Variants in SPART observed in about 807,000 individuals in gnomAD.
SPART encodes spastic paraplegia 20 (Troyer syndrome).
Under a neutral mutation model 58.7 loss-of-function variants are expected in SPART, and 35 were observed. That is an observed-to-expected ratio of 0.60 (90% confidence interval 0.46 to 0.79). The LOEUF is 0.79. SPART is among the 30% of genes least tolerant of loss of function. The pLI, the probability that SPART is intolerant of heterozygous loss-of-function variation, is 0.00. For missense variants in SPART, 730 were observed against 786.1 expected, an observed-to-expected ratio of 0.93 and a Z score of 0.85; for synonymous variants, 284 against 280.7, an observed-to-expected ratio of 1.01 and a Z score of -0.12.
chr13:36,344,434 C>G (rs1282894346), intron 1 of SPART, among the ~76,000 whole-genome samples: 2 of 152,048 alleles, frequency 1.3e-5, no homozygotes, highest in East Asian at 3.9e-4. Context: ...GCTTAATAAC[C>G]TTCCTTGCTA....
In SPART at chr13:36,304,220, T is replaced by A; in HGVS notation, c.*145A>T. 2 of 909,318 alleles carry A rather than the reference T, an allele frequency of 2.2e-6. No individual in the cohort carries two copies. Among genetic ancestry groups the A allele is most frequent in the South Asian group, 3.1e-5 (2 of 65,114 alleles). The allele number at this position is 909,318 out of a possible 1,614,324, so 56.3% of individuals were successfully genotyped here. On this transcript the variant is annotated 3_prime_UTR_variant, in exon 9 of 9. Coordinates refer to ENST00000438666, the MANE Select transcript of SPART (RefSeq NM_015087.5). ...TTCTTTTCCTTTTAAATAGAAGACA[T>A]GCCATAAAATTTATGAAAGTTAATT...
At position 36,359,923 on chromosome 13, in the gene SPART, T is replaced by TAAAAAAA. The variant is rs375878141; in HGVS notation, c.-3+10159_-3+10165dup. On this transcript the variant is annotated intron_variant, in intron 1 of 8. Coordinates refer to the SPART transcript ENST00000355182. ...AACACTATGTAAGAGGTTGTTAATT[T>TAAAAAAA]AAAAAAAAAAAAAAAAAAACACCTC... 3.0e-3 allele frequency among the ~76,000 whole-genome samples: 362 copies of TAAAAAAA among 120,252 alleles called. 4 individuals carry two copies. Among genetic ancestry groups the TAAAAAAA allele is most frequent in the African/African-American group, 5.8e-3 (176 of 30,516 alleles). 78.9% of individuals were successfully genotyped at this position (120,252 alleles called of 152,430 possible).
chr13:36,343,115 T>C (rs1484659387), intron 1 of SPART, among the ~76,000 whole-genome samples: 1 of 152,198 alleles, frequency 6.6e-6, no homozygotes, highest in Non-Finnish European at 1.5e-5. Context: ...ATAATTATTA[T>C]TCATTAAAAT....
chr13:36,359,356 G>C (rs1885748336), intron 1 of SPART, among the ~76,000 whole-genome samples: 1 of 152,170 alleles, frequency 6.6e-6, no homozygotes, highest in Non-Finnish European at 1.5e-5. Context: ...TTATACCACA[G>C]TGTCTTATTG....
At chr13:36,305,244 T>G (rs1880401953) in intron 8 of SPART, among the ~76,000 whole-genome samples, 1 of 151,774 alleles carries the variant, frequency 6.6e-6, no homozygotes, top group East Asian at 1.9e-4. Flanking sequence ...CTGCCTCACC[T>G]TCTTCAAGTT....
chr13:36,350,164 G>C (rs972455452), upstream of SPART, among the ~76,000 whole-genome samples: 1 of 152,184 alleles, frequency 6.6e-6, no homozygotes, highest in South Asian at 2.1e-4. Flanking sequence ...CTTTTACCCA[G>C]TCACAAGAAA....
chr13:36,314,326 G>A lies in SPART; in HGVS notation c.1384C>T (p.Pro462Ser). Residue 462 changes from proline to serine, a missense_variant, in exon 6 of 9, where the codon CCA becomes TCA. Physicochemically the swap from Pro to Ser is moderately conservative, Grantham distance 74 (BLOSUM62 -1). Coordinates refer to ENST00000438666, the MANE Select transcript of SPART (RefSeq NM_015087.5). ...CTAACTTCCACGGGTTTTTCTTCTG[G>A]TTGAATCCGCTCTCGGAGTTTAGAA... is the stretch of plus-strand genomic sequence containing the variant. ...GASKLRERIQPEEKPVEVSPA... is the reference protein window; with the variant it reads ...GASKLRERIQSEEKPVEVSPA... 1 of 1,614,014 alleles carries A rather than the reference G, an allele frequency of 6.2e-7. No individual in the cohort carries two copies. The highest frequency in any genetic ancestry group is 8.5e-7 in the Non-Finnish European group (1 of 1,180,016).
chr13:36,319,149 C>T (rs967333486), intron 5 of SPART, among the ~76,000 whole-genome samples: 3 of 151,214 alleles, frequency 2.0e-5, no homozygotes, highest in Non-Finnish European at 3.0e-5. Flanking sequence ...CCAACTTAGA[C>T]AATACTCTTT....
intron 1 of SPART, among the ~76,000 whole-genome samples, chr13:36,363,766 T>TG (rs1201606789): frequency 6.6e-6 from 1 of 151,880 alleles, no homozygotes; most frequent in African/African-American, 2.4e-5. Context: ...GTTGGTTTTT[T>TG]TTGTTGTTGT....
intron 5 of SPART, among the ~76,000 whole-genome samples, chr13:36,316,729 C>T (rs1881752394): frequency 6.6e-6 from 1 of 152,192 alleles, no homozygotes; most frequent in Non-Finnish European, 1.5e-5. Context: ...TTGTTGCTCA[C>T]ACAAAGCCTG....
intron 1 of SPART, among the ~76,000 whole-genome samples, chr13:36,340,798 G>A (rs1051182076): frequency 4.6e-5 from 7 of 152,348 alleles, no homozygotes; most frequent in Admixed American, 3.9e-4. Flanking sequence ...ACACAACTGT[G>A]AGAGTATTCA....
At position 36,329,636 on chromosome 13, in the gene SPART, T is replaced by C. The variant is rs567567114; in HGVS notation, c.1009-119A>G. On this transcript the variant is annotated intron_variant, in intron 3 of 8. Coordinates refer to ENST00000438666, the MANE Select transcript of SPART (RefSeq NM_015087.5). ...GTTTGAATGTCAGTTTGGCAGTCTA[T>C]CAGTAACAACTACTTTTGCTTTTTT... is the stretch of plus-strand genomic sequence containing the variant. 6.5e-6 allele frequency: 7 copies of C among 1,069,508 alleles called. No individual in the cohort carries two copies. In the Admixed American group the frequency reaches 1.1e-4, roughly 17 times the overall value. 66.3% of individuals were successfully genotyped at this position (1,069,508 alleles called of 1,614,324 possible). A position where few individuals can be genotyped will look rare whatever the true frequency, so the allele number is the denominator to read the frequency against.
chr13:36,321,592 A>G (rs988792064), intron 5 of SPART, among the ~76,000 whole-genome samples: 33 of 152,118 alleles, frequency 2.2e-4, no homozygotes, highest in Middle Eastern at 6.9e-3. Flanking sequence ...CTCCCACTCT[A>G]GGTTCCCACG....
At chr13:36,326,243 G>T in intron 5 of SPART, 2 of 345,270 alleles carry the variant, frequency 5.8e-6, no homozygotes, top group South Asian at 4.8e-5. Flanking sequence ...TGAGGGACAG[G>T]GGTAGGGGGA....
intron 5 of SPART, among the ~76,000 whole-genome samples, chr13:36,317,009 C>T (rs1881785848): frequency 6.6e-6 from 1 of 152,170 alleles, no homozygotes; most frequent in African/African-American, 2.4e-5. Flanking sequence ...TCAATCTCTC[C>T]CTTCTCTTAA....
In SPART at chr13:36,303,860, TTTAG is replaced by T. The variant is rs1198028744; in HGVS notation, c.*501_*504del. 6 of 153,916 alleles carry T rather than the reference TTTAG, an allele frequency of 3.9e-5. No individual in the cohort carries two copies. The highest frequency in any genetic ancestry group is 1.2e-4 in the African/African-American group (5 of 41,466). 9.5% of individuals were successfully genotyped at this position (153,916 alleles called of 1,614,324 possible). A position where few individuals can be genotyped will look rare whatever the true frequency, so the allele number is the denominator to read the frequency against. Reference sequence around the variant, plus strand: ...ACAAGTTTTTTTGAGAATTCTTAGTTTTAGTTTTTGTTTAGCTTACACACTGAAA... The same window carrying T: ...ACAAGTTTTTTTGAGAATTCTTAGTTTTTTTGTTTAGCTTACACACTGAAA... On this transcript the variant is annotated 3_prime_UTR_variant, in exon 9 of 9. Transcript: ENST00000438666.
chr13:36,334,464 T>A (rs1451698344), intron 2 of SPART, among the ~76,000 whole-genome samples: 1 of 152,146 alleles, frequency 6.6e-6, no homozygotes, highest in Non-Finnish European at 1.5e-5. Flanking sequence ...ATGAGGGCTG[T>A]CCTGTGAAAA....
Position 36,335,516 on chromosome 13 carries a change from A to G in SPART, c.315T>C (p.Asn105=). 1 of 1,614,168 alleles carries G rather than the reference A, an allele frequency of 6.2e-7. No individual in the cohort carries two copies. Among genetic ancestry groups the G allele is most frequent in the African/African-American group, 1.3e-5 (1 of 75,052 alleles). ...ATAACTTGGGCACCTCCTGAAGATC[A>G]TTCTGCAGAGAAGTGGCAAGACCCT... ...LEKGLATSLQ[N]DLQEVPKLYP... The change falls in exon 2 of 9, where the codon AAT becomes AAC. Residue 105 remains asparagine, a synonymous_variant. Coordinates refer to ENST00000438666, the MANE Select transcript of SPART (RefSeq NM_015087.5).
intron 1 of SPART, among the ~76,000 whole-genome samples, chr13:36,345,824 G>A (rs544167894): frequency 6.6e-6 from 1 of 152,250 alleles, no homozygotes; most frequent in East Asian, 1.9e-4. Flanking sequence ...TGGGCGCTGC[G>A]GGAGGGCAAA....
Sources: gnomAD v4.1 joint callset for allele counts (sites outside exome capture counted in the v4.1 genomes callset) on GRCh38, gnomAD v4.1.1 for gene constraint, MANE v1.5 for transcripts, NCBI Gene and HGNC (gene_info 2026-07-23, HGNC 2026-07-21) for gene names.